The following RWDD1 variants were observed in gnomAD, a reference collection of about 807,000 sequenced individuals.
RWDD1 encodes RWD domain-containing protein 1.
A neutral mutation model predicts 31.6 loss-of-function variants in RWDD1; 17 were observed. The ratio of observed to expected loss-of-function variants is 0.54; its 90% CI spans 0.37 to 0.81. The LOEUF (loss-of-function observed/expected upper bound fraction) is 0.81. RWDD1 is among the 30% of genes least tolerant of loss of function. The pLI is 0.00. For synonymous variants in RWDD1, 78 were observed against 94.2 expected, an observed-to-expected ratio of 0.83 and a Z score of 0.99; for missense variants, 204 against 274.5, an observed-to-expected ratio of 0.74 and a Z score of 1.82.
chr6:116,572,091 G>C (rs918862582), intron 1 of RWDD1, among the ~76,000 whole-genome samples: 1 of 151,870 alleles, frequency 6.6e-6, no homozygotes, highest in Non-Finnish European at 1.5e-5. Context: ...GATTCAGAGT[G>C]CTGTTTTCAG....
At chr6:116,584,674 T>C (rs554800049) in intron 2 of RWDD1, 53 bp from the exon 3 acceptor site, 23 of 1,519,710 alleles carry the variant, frequency 1.5e-5, no homozygotes, top group African/African-American at 2.8e-5. Flanking sequence ...AGCAAAGATA[T>C]CTACCTCTTT....
rs1171788244 is a variant in RWDD1, at chr6:116,596,266, AGAACAGAT to A, written c.*3168_*3175del. On this transcript the variant is annotated 3_prime_UTR_variant, in exon 7 of 7. Transcript: ENST00000466444. Reference sequence around the variant, plus strand: ...AACTAATTTTAGAAAAAGACTCTTCAGAACAGATGACACATGAAATGTGAGTTTATGTA... The same window carrying A: ...AACTAATTTTAGAAAAAGACTCTTCAGACACATGAAATGTGAGTTTATGTA... 1.5e-4 allele frequency: 23 copies of A among 152,358 alleles called. No homozygotes were observed. Among genetic ancestry groups the A allele is most frequent in the African/African-American group, 5.5e-4 (23 of 41,596 alleles). The allele number at this position is 152,358 out of a possible 1,614,324, so 9.4% of individuals were successfully genotyped here.
chr6:116,572,648 G>A (rs1050496319), intron 1 of RWDD1, among the ~76,000 whole-genome samples: 3 of 152,230 alleles, frequency 2.0e-5, no homozygotes, highest in Non-Finnish European at 2.9e-5. Flanking sequence ...CAATATGAGT[G>A]AGTAGAACCT....
In RWDD1 at chr6:116,593,408, T is replaced by C; in HGVS notation, c.*307T>C. On this transcript the variant is annotated 3_prime_UTR_variant, in exon 7 of 7. Transcript: ENST00000466444. ...TGCACATGAGTTTATACACAGGAAA[T>C]TGGAATAACTTGGAATTTCTATGCT... 5.7e-6 allele frequency: 1 copy of C among 176,088 alleles called. No homozygotes were observed. The highest frequency in any genetic ancestry group is 1.2e-5 in the Non-Finnish European group (1 of 84,458). The allele number at this position is 176,088 out of a possible 1,614,324, so 10.9% of individuals were successfully genotyped here.
In RWDD1 at chr6:116,571,780, G is replaced by C. The variant is rs1583327115; in HGVS notation, c.73+125G>C. On this transcript the variant is annotated intron_variant, in intron 1 of 6. Coordinates refer to ENST00000466444, the MANE Select transcript of RWDD1 (RefSeq NM_015952.4). The stretch of plus-strand genomic sequence containing the variant: ...GACCTTGAGGCCGCGCGGCCACCTT[G>C]CCCTCCACTCCTCAAGTTCTTCAGT... 30 of 661,208 alleles carry C rather than the reference G, an allele frequency of 4.5e-5. No homozygotes were observed. In the East Asian group the frequency reaches 9.1e-4, roughly 20 times the overall value. The allele number at this position is 661,208 out of a possible 1,614,324, so 41.0% of individuals were successfully genotyped here. A position where few individuals can be genotyped will look rare whatever the true frequency, so the allele number is the denominator to read the frequency against.
At chr6:116,580,794 C>T (rs1774934891) in intron 2 of RWDD1, among the ~76,000 whole-genome samples, 1 of 151,958 alleles carries the variant, frequency 6.6e-6, no homozygotes, top group South Asian at 2.1e-4. Context: ...GGATATATGT[C>T]TGTCTGCATG....
intron 4 of RWDD1, among the ~76,000 whole-genome samples, 166 bp downstream of exon 4, chr6:116,589,151 G>A (rs1341016772): frequency 6.6e-6 from 1 of 151,888 alleles, no homozygotes. Flanking sequence ...CCCTCATTTG[G>A]TTGGTGGCAT....
intron 4 of RWDD1, among the ~76,000 whole-genome samples, chr6:116,589,814 A>G (rs1165295540): frequency 6.6e-6 from 1 of 152,148 alleles, no homozygotes; most frequent in Admixed American, 6.5e-5. Flanking sequence ...TAAACCCATC[A>G]GATCTTGTGA....
intron 6 of RWDD1, 92 bp from the exon 7 acceptor site, chr6:116,592,888 A>G (rs1775170174): frequency 2.1e-6 from 3 of 1,397,226 alleles, no homozygotes; most frequent in African/African-American, 2.9e-5. Context: ...AGATTTGGAG[A>G]TTTCTGTTTG....
intron 2 of RWDD1, among the ~76,000 whole-genome samples, chr6:116,584,045 C>T (rs1402236709): frequency 3.3e-5 from 5 of 152,196 alleles, no homozygotes; most frequent in Non-Finnish European, 5.9e-5. Flanking sequence ...AAATGTTTAG[C>T]ACTACTGCTT....
At position 116,590,869 on chromosome 6, in the gene RWDD1, A is replaced by AC. The variant is rs1348256132; in HGVS notation, c.548-18dup. The stretch of plus-strand genomic sequence containing the variant: ...AAACTATGCCATTTGAATTAAACAT[A>AC]CTTTTTTTTTTTTTTTAGGGAAACA... On this transcript the variant is annotated intron_variant, in intron 5 of 6. Transcript: ENST00000466444. 5 of 1,502,672 alleles carry AC rather than the reference A, an allele frequency of 3.3e-6. No individual in the cohort carries two copies. The highest frequency in any genetic ancestry group is 2.3e-5 in the Admixed American group (1 of 44,030). 93.1% of individuals were successfully genotyped at this position (1,502,672 alleles called of 1,614,324 possible). A position where few individuals can be genotyped will look rare whatever the true frequency, so the allele number is the denominator to read the frequency against.
intron 3 of RWDD1, among the ~76,000 whole-genome samples, chr6:116,587,529 C>T (rs1257810709): frequency 6.6e-6 from 1 of 152,106 alleles, no homozygotes; most frequent in Admixed American, 6.6e-5. Flanking sequence ...TGAAGGGTCT[C>T]CTAAATGTTC....
chr6:116,576,251 T>C (rs993169830), intron 1 of RWDD1, among the ~76,000 whole-genome samples: 3 of 152,238 alleles, frequency 2.0e-5, no homozygotes, highest in Non-Finnish European at 1.5e-5. Context: ...AACAAACATA[T>C]GATACTCTTT....
At chr6:116,591,098 TA>T (rs368922935) in intron 6 of RWDD1, 148 bp downstream of exon 6, 159,056 of 777,800 alleles carry the variant, frequency 0.2, 52 homozygotes, top group East Asian at 0.25. Flanking sequence ...CTGACTCTAT[TA>T]AAAAAAAAAA....
chr6:116,582,723 A>G (rs4946181), intron 2 of RWDD1, among the ~76,000 whole-genome samples: 27,675 of 150,866 alleles, frequency 0.18, 2,695 homozygotes, highest in East Asian at 0.29. Flanking sequence ...GACCTTTTCT[A>G]TTGTTTTTCT....
Position 116,591,092 on chromosome 6 carries a change from C to G in RWDD1, c.610+142C>G, listed in dbSNP as rs559594076. On this transcript the variant is annotated intron_variant, in intron 6 of 6. Transcript: ENST00000466444. ...ACTGGGCAACATAGTGAGACCCTGA[C>G]TCTATTAAAAAAAAAAAAAAGAATT... The G allele has an allele frequency of 3.1e-3, 3,246 of 1,035,118 alleles. 13 individuals carry two copies. Among genetic ancestry groups the G allele is most frequent in the Non-Finnish European group, 3.8e-3 (3,034 of 796,532 alleles). 64.1% of individuals were successfully genotyped at this position (1,035,118 alleles called of 1,614,324 possible).
intron 1 of RWDD1, among the ~76,000 whole-genome samples, chr6:116,572,054 T>G (rs944055007): frequency 2.0e-5 from 3 of 152,128 alleles, no homozygotes; most frequent in African/African-American, 2.4e-5. Context: ...GAAACTGTTT[T>G]TCATACGATG....
chr6:116,593,788 A>G lies in RWDD1; in HGVS notation c.*687A>G, dbSNP rs1964137. ...GTGAAACCCCGTCTCTATTAAAAAT[A>G]CAAAAAATTAGCCAGGTGTGGTGGC... On this transcript the variant is annotated 3_prime_UTR_variant, in exon 7 of 7. Transcript: ENST00000466444. The G allele has an allele frequency of 0.81, 122,016 of 150,816 alleles. 49,479 individuals are homozygous for G. The highest frequency in any genetic ancestry group is 0.89 in the Middle Eastern group (262 of 294). The allele number at this position is 150,816 out of a possible 1,614,324, so 9.3% of individuals were successfully genotyped here.
chr6:116,585,000 TTA>T (rs752041338), intron 3 of RWDD1, 143 bp downstream of exon 3: 3 of 693,068 alleles, frequency 4.3e-6, no homozygotes, highest in Non-Finnish European at 7.0e-6. Flanking sequence ...CAGAGCATCT[TTA>T]TTTTTGTTTC....
Sources: gnomAD v4.1 joint callset for allele counts (sites outside exome capture counted in the v4.1 genomes callset) on GRCh38, gnomAD v4.1.1 for gene constraint, MANE v1.5 for transcripts, NCBI Gene and HGNC (gene_info 2026-07-23, HGNC 2026-07-21) for gene names.